NDUFA11: variants seen among roughly 807,000 people sequenced by gnomAD.
NDUFA11 encodes the protein NADH dehydrogenase [ubiquinone] 1 alpha subcomplex subunit 11.
NDUFA11 carries 14 observed loss-of-function variants against 11.3 expected under a neutral mutation model. The ratio of observed to expected loss-of-function variants is 1.24; its 90% CI spans 0.82 to 1.94. NDUFA11 has a LOEUF of 1.94. NDUFA11 is among the 30% of genes most tolerant of loss of function. NDUFA11 has a pLI of 0.00. For missense variants in NDUFA11, 204 were observed against 200.3 expected, an observed-to-expected ratio of 1.02 and a Z score of -0.11; for synonymous variants, 87 against 85.6, an observed-to-expected ratio of 1.02 and a Z score of -0.09.
downstream of NDUFA11, chr19:5,894,575 G>T: frequency 7.2e-7 from 1 of 1,395,992 alleles, no homozygotes; most frequent in Non-Finnish European, 9.7e-7. Flanking sequence ...AGGCAGGCGC[G>T]TGTGCAGGGG....
chr19:5,892,838 G>C (rs369013248), downstream of NDUFA11: 16 of 1,385,288 alleles, frequency 1.2e-5, no homozygotes, highest in Non-Finnish European at 1.5e-5. Flanking sequence ...CATCTCTGAG[G>C]GGCCCTTATT....
intron 1 of NDUFA11, 136 bp downstream of exon 1, chr19:5,903,476 C>A (rs1468029135): frequency 1.2e-5 from 10 of 809,040 alleles, no homozygotes; most frequent in African/African-American, 1.0e-4. Flanking sequence ...CCCCTACGAC[C>A]GCCCAAGACA....
At chr19:5,901,861 C>T (rs552868426) in intron 1 of NDUFA11, among the ~76,000 whole-genome samples, 10 of 151,840 alleles carry the variant, frequency 6.6e-5, no homozygotes, top group East Asian at 5.8e-4. Context: ...TTAGTAGAGA[C>T]GGGTTTTCAC....
At chr19:5,893,317 T>A (rs1035921492), downstream of NDUFA11, 2 of 937,214 alleles carry the variant, frequency 2.1e-6, no homozygotes, top group Non-Finnish European at 3.3e-6. This position sits in a 1 kb window ranked among gnomAD's most constrained non-coding sequence, Gnocchi z 4.1. Context: ...TAAAAACAAT[T>A]AGCTGGCTGT....
chr19:5,898,427 A>G (rs2057623897), intron 1 of NDUFA11, among the ~76,000 whole-genome samples: 1 of 152,240 alleles, frequency 6.6e-6, no homozygotes, highest in African/African-American at 2.4e-5. Flanking sequence ...TATTCAGAGC[A>G]GCCCATAGGA....
At chr19:5,900,100 G>A (rs552053088) in intron 1 of NDUFA11, 2 of 152,172 alleles carry the variant, frequency 1.3e-5, no homozygotes, top group African/African-American at 4.8e-5. Context: ...TAGAGGTCAA[G>A]GACTGCCCCA....
Position 5,896,121 on chromosome 19 carries a change from G to A in NDUFA11, c.313+332C>T, listed in dbSNP as rs2057606336. ...GCTTGTACACAGGGTGGTCAGGACAGTGAGGGGAACAGCATTCCACGCAGT... is the reference window on the plus strand; with the variant it reads ...GCTTGTACACAGGGTGGTCAGGACAATGAGGGGAACAGCATTCCACGCAGT... On this transcript the variant is annotated intron_variant, in intron 3 of 3. Coordinates refer to ENST00000308961, the MANE Select transcript of NDUFA11 (RefSeq NM_175614.5). This position sits in a 1 kb window ranked among gnomAD's most constrained non-coding sequence, Gnocchi z 5.8. 2.3e-5 allele frequency: 13 copies of A among 558,134 alleles called. No individual in the cohort carries two copies. The highest frequency in any genetic ancestry group is 6.3e-6 in the Non-Finnish European group (2 of 315,702). 34.6% of individuals were successfully genotyped at this position (558,134 alleles called of 1,614,324 possible).
intron 1 of NDUFA11, chr19:5,901,177 G>T: frequency 1.7e-6 from 1 of 605,246 alleles, no homozygotes; most frequent in Non-Finnish European, 2.3e-6. Flanking sequence ...CTCCTCCAAA[G>T]GCCTCCTGAG....
chr19:5,897,914 G>C (rs1353470870), intron 1 of NDUFA11, among the ~76,000 whole-genome samples: 1 of 152,166 alleles, frequency 6.6e-6, no homozygotes, highest in Non-Finnish European at 1.5e-5. Context: ...GAGCCAGCCC[G>C]AGCCGGGGCT....
At chr19:5,900,318 G>A (rs922427178) in intron 1 of NDUFA11, among the ~76,000 whole-genome samples, 1 of 152,118 alleles carries the variant, frequency 6.6e-6, no homozygotes, top group Non-Finnish European at 1.5e-5. Flanking sequence ...CAAAGTTACC[G>A]AGTACCTAAC....
In NDUFA11 at chr19:5,896,259, G is replaced by A. The variant is rs1483619084; in HGVS notation, c.313+194C>T. The A allele has an allele frequency of 4.7e-6, 3 of 637,874 alleles. No individual in the cohort carries two copies. The highest frequency in any genetic ancestry group is 8.2e-6 in the Non-Finnish European group (3 of 367,102). 39.5% of individuals were successfully genotyped at this position (637,874 alleles called of 1,614,324 possible). On this transcript the variant is annotated intron_variant, in intron 3 of 3. Transcript: ENST00000308961. This position sits in a 1 kb window ranked among gnomAD's most constrained non-coding sequence, Gnocchi z 5.8. The stretch of plus-strand genomic sequence containing the variant: ...AGGAGGGGAGGGTGGGGAGGGGACA[G>A]GGCAGGTCAGGGAGGGCCACAGTAG...
chr19:5,892,765 G>T, downstream of NDUFA11: 1 of 1,056,130 alleles, frequency 9.5e-7, no homozygotes, highest in Non-Finnish European at 1.3e-6. Flanking sequence ...CCCTCGAGTG[G>T]ATGCGATGCC....
Position 5,896,930 on chromosome 19 carries a change from C to T in NDUFA11, c.165G>A (p.Lys55=). ...CTGCAGTGAACGTGTATTGTCCAACCTTAGCCACTCCTTCAAGGAAGGTGC... is the reference window on the plus strand; with the variant it reads ...CTGCAGTGAACGTGTATTGTCCAACTTTAGCCACTCCTTCAAGGAAGGTGC... ...PPGTFLEGVA[K]VGQYTFTAAA... is the part of the protein sequence containing the mutation. Residue 55 remains lysine, a synonymous_variant, in exon 2 of 4, where the codon AAG becomes AAA. Coordinates refer to ENST00000308961, the MANE Select transcript of NDUFA11 (RefSeq NM_175614.5). The surrounding 1 kb of genome is among the most constrained non-coding windows in gnomAD (Gnocchi z 5.8). 1 of 1,614,082 alleles carries T rather than the reference C, an allele frequency of 6.2e-7. No homozygotes were observed. Among genetic ancestry groups the T allele is most frequent in the Non-Finnish European group, 8.5e-7 (1 of 1,180,018 alleles).
At chr19:5,899,190 C>T (rs1255170041) in intron 1 of NDUFA11, among the ~76,000 whole-genome samples, 2 of 150,506 alleles carry the variant, frequency 1.3e-5, no homozygotes, top group Non-Finnish European at 3.0e-5. Context: ...CGCTCTGTCG[C>T]CCAGGCTGGA....
At chr19:5,897,567 C>T (rs974291721) in intron 1 of NDUFA11, among the ~76,000 whole-genome samples, 1 of 152,202 alleles carries the variant, frequency 6.6e-6, no homozygotes, top group African/African-American at 2.4e-5. Flanking sequence ...TCTCGACCCC[C>T]TCCTGCTGGC....
downstream of NDUFA11, chr19:5,891,497 C>T (rs904928017): frequency 2.0e-5 from 3 of 152,196 alleles, no homozygotes; most frequent in Non-Finnish European, 4.4e-5. Flanking sequence ...CTCAAGTGAT[C>T]CCCCAGCCTC....
chr19:5,899,743 A>G (rs2057633444), intron 1 of NDUFA11, among the ~76,000 whole-genome samples: 1 of 152,042 alleles, frequency 6.6e-6, no homozygotes, highest in South Asian at 2.1e-4. Context: ...CTGGGATTAA[A>G]GGCCTGAGCA....
At chr19:5,892,914 G>C (rs553972821), downstream of NDUFA11, 36 of 1,438,744 alleles carry the variant, frequency 2.5e-5, no homozygotes, top group African/African-American at 4.8e-4. Context: ...AACAAGGAAA[G>C]AATCAAGTTC....
At chr19:5,900,933 AAG>A (rs1475941729) in intron 1 of NDUFA11, among the ~76,000 whole-genome samples, 1 of 151,860 alleles carries the variant, frequency 6.6e-6, no homozygotes, top group African/African-American at 2.4e-5. Context: ...AAAAAGAAAA[AAG>A]AAAAAAGAAA....
Sources: allele counts gnomAD v4.1 joint callset (sites outside exome capture counted in the v4.1 genomes callset), GRCh38; gene constraint gnomAD v4.1.1; non-coding constraint Gnocchi (gnomAD v3.1); transcripts MANE v1.5; gene names NCBI Gene and HGNC (gene_info 2026-07-23, HGNC 2026-07-21).